Variants in ZNF804A observed in about 807,000 individuals in gnomAD.
ZNF804A encodes the protein zinc finger protein 804A.
ZNF804A carries 2 observed loss-of-function variants against 16.5 expected under a neutral mutation model. That is an observed-to-expected ratio of 0.12 (90% CI 0.05 to 0.38). ZNF804A has a LOEUF of 0.38. ZNF804A is among the 10% of genes least tolerant of loss of function. The pLI, the probability that ZNF804A is intolerant of heterozygous loss-of-function variation, is 0.99. For missense variants in ZNF804A, 1,473 were observed against 1,390.7 expected (o/e 1.06, Z -0.94); for synonymous variants, 534 against 489.6 (o/e 1.09, Z -1.20).
Position 184,829,933 on chromosome 2 carries a change from A to AC in ZNF804A, c.112-36436_112-36435insC, listed in dbSNP as rs1279185242. ...AAAAAAAAAAAAAAACAAAAACAAA[A>AC]AAAAAAAAACCACACACACACAAAT... is the stretch of plus-strand genomic sequence containing the variant. On this transcript the variant is annotated intron_variant, in intron 1 of 3. Transcript: ENST00000302277. Among the ~76,000 whole-genome samples, 52 of 132,182 alleles carry AC rather than the reference A, an allele frequency of 3.9e-4. 1 individual carries two copies. In the Middle Eastern group the frequency reaches 0.011, roughly 29 times the overall value. 86.7% of individuals were successfully genotyped at this position (132,182 alleles called of 152,430 possible).
At chr2:184,847,729 A>T (rs1695542118) in intron 1 of ZNF804A, among the ~76,000 whole-genome samples, 1 of 152,056 alleles carries the variant, frequency 6.6e-6, no homozygotes, top group South Asian at 2.1e-4. Flanking sequence ...CCCATTTTCA[A>T]TGTCAGTCTC....
At chr2:184,762,043 G>A (rs1404141830) in intron 1 of ZNF804A, among the ~76,000 whole-genome samples, 4 of 151,956 alleles carry the variant, frequency 2.6e-5, no homozygotes, top group African/African-American at 9.7e-5. Context: ...ATGCTGAAAG[G>A]AGGATAAAGG....
chr2:184,740,623 T>C (rs558265719), intron 1 of ZNF804A, among the ~76,000 whole-genome samples: 52 of 152,304 alleles, frequency 3.4e-4, no homozygotes, highest in Non-Finnish European at 6.6e-4. Context: ...AGTTAATTTG[T>C]TTTTAGGGCA....
intron 1 of ZNF804A, among the ~76,000 whole-genome samples, chr2:184,616,429 G>A (rs1279132867): frequency 1.3e-5 from 2 of 152,114 alleles, no homozygotes; most frequent in Non-Finnish European, 2.9e-5. Flanking sequence ...ATGTGTGAAT[G>A]GCATTGTTGT....
chr2:184,631,485 A>G (rs901618295), intron 1 of ZNF804A, among the ~76,000 whole-genome samples: 7 of 152,142 alleles, frequency 4.6e-5, no homozygotes, highest in Non-Finnish European at 8.8e-5. Flanking sequence ...TTTTGCTATG[A>G]TTGATTCTGC....
intron 1 of ZNF804A, among the ~76,000 whole-genome samples, chr2:184,807,271 G>A (rs1694822202): frequency 6.6e-6 from 1 of 151,820 alleles, no homozygotes; most frequent in Admixed American, 6.6e-5. Context: ...ATTTAAGGTA[G>A]TTATTAAAAT....
rs899083010 is a variant in ZNF804A, at chr2:184,711,199, C to T, written c.111+112129C>T. ...TGTTTACTTTTTTATAGTAGCCATTCGAACAGGAGTGTAGTGATATTTTGT... is the reference window on the plus strand; with the variant it reads ...TGTTTACTTTTTTATAGTAGCCATTTGAACAGGAGTGTAGTGATATTTTGT... On this transcript the variant is annotated intron_variant, in intron 1 of 3. Coordinates refer to ENST00000302277, the MANE Select transcript of ZNF804A (RefSeq NM_194250.2). Among the ~76,000 whole-genome samples the T allele has an allele frequency of 8.6e-5, 13 of 151,612 alleles. 1 individual carries two copies. The highest frequency in any genetic ancestry group is 6.3e-3 in the Middle Eastern group (2 of 316).
intron 1 of ZNF804A, among the ~76,000 whole-genome samples, chr2:184,691,563 A>C (rs1400210385): frequency 6.6e-6 from 1 of 151,834 alleles, no homozygotes; most frequent in Non-Finnish European, 1.5e-5. Flanking sequence ...AGACATCAGC[A>C]CAAACTGATA....
chr2:184,831,338 C>T (rs906861004), intron 1 of ZNF804A, among the ~76,000 whole-genome samples: 4 of 151,740 alleles, frequency 2.6e-5, no homozygotes, highest in Non-Finnish European at 4.4e-5. Flanking sequence ...GTAAGTATCA[C>T]CTGCTCATGT....
intron 1 of ZNF804A, among the ~76,000 whole-genome samples, chr2:184,854,559 C>A (rs1307691364): frequency 6.6e-6 from 1 of 151,894 alleles, no homozygotes; most frequent in Non-Finnish European, 1.5e-5. Context: ...CTATAGTTAA[C>A]AGTTGTAAGA....
At chr2:184,816,143 C>T (rs1320455991) in intron 1 of ZNF804A, among the ~76,000 whole-genome samples, 2 of 152,024 alleles carry the variant, frequency 1.3e-5, no homozygotes, top group Admixed American at 1.3e-4. Context: ...TAATGGAATA[C>T]AACTTTAGGC....
chr2:184,664,522 A>G (rs1406535247), intron 1 of ZNF804A, among the ~76,000 whole-genome samples: 1 of 152,144 alleles, frequency 6.6e-6, no homozygotes, highest in Non-Finnish European at 1.5e-5. Context: ...ACCTATTCCC[A>G]TTTCTTTACT....
intron 1 of ZNF804A, among the ~76,000 whole-genome samples, chr2:184,677,085 C>T (rs1015637958): frequency 2.0e-5 from 3 of 151,678 alleles, no homozygotes; most frequent in Admixed American, 6.6e-5. Context: ...TTTATTTTTT[C>T]CCTATTATTA....
chr2:184,833,365 T>C (rs1695295617), intron 1 of ZNF804A, among the ~76,000 whole-genome samples: 1 of 152,058 alleles, frequency 6.6e-6, no homozygotes, highest in Admixed American at 6.6e-5. Flanking sequence ...ATCAGTTCTG[T>C]CCAACAGAAA....
chr2:184,879,796 C>T (rs184183362), intron 2 of ZNF804A, among the ~76,000 whole-genome samples: 146 of 151,994 alleles, frequency 9.6e-4, no homozygotes, highest in African/African-American at 3.4e-3. Context: ...GAATACAGAA[C>T]CATAGTGCCA....
chr2:184,639,811 G>A (rs1190295660), intron 1 of ZNF804A, among the ~76,000 whole-genome samples: 3 of 151,976 alleles, frequency 2.0e-5, no homozygotes, highest in African/African-American at 7.3e-5. Flanking sequence ...GACCATCCTG[G>A]TTAATATGGT....
At chr2:184,623,880 T>C (rs1691455129) in intron 1 of ZNF804A, among the ~76,000 whole-genome samples, 1 of 152,192 alleles carries the variant, frequency 6.6e-6, no homozygotes, top group South Asian at 2.1e-4. Flanking sequence ...ACTCAGATTA[T>C]AACATTCCAC....
intron 1 of ZNF804A, among the ~76,000 whole-genome samples, chr2:184,684,429 C>T (rs1170210033): frequency 1.3e-5 from 2 of 152,026 alleles, no homozygotes; most frequent in African/African-American, 2.4e-5. Flanking sequence ...GTTTTATAAG[C>T]TCTATCTAAT....
chr2:184,932,192 T>C (rs190695128), intron 2 of ZNF804A, among the ~76,000 whole-genome samples: 108 of 152,288 alleles, frequency 7.1e-4, no homozygotes, highest in African/African-American at 2.5e-3. Context: ...CCTCTGTCTG[T>C]TACCCAGTTC....
Sources: allele counts gnomAD v4.1 joint callset (sites outside exome capture counted in the v4.1 genomes callset), GRCh38; gene constraint gnomAD v4.1.1; transcripts MANE v1.5; gene names NCBI Gene and HGNC (gene_info 2026-07-23, HGNC 2026-07-21).